The following RAPGEF5 variants were observed in gnomAD, a reference collection of about 807,000 sequenced individuals.
The protein encoded by RAPGEF5 is M-Ras-regulated GEF.
Under a neutral mutation model 125.2 loss-of-function variants are expected in RAPGEF5, and 65 were observed. The observed-to-expected ratio is 0.52, with a 90% CI of 0.43 to 0.64. RAPGEF5 has a LOEUF of 0.64. Among genes scored for constraint, RAPGEF5 ranks in the 30% least tolerant of loss-of-function variants. RAPGEF5 has a pLI of 0.00. For synonymous variants in RAPGEF5, 391 were observed against 385.9 expected (o/e 1.01, Z -0.16); for missense variants, 958 against 1,048.1 (o/e 0.91, Z 1.19).
chr7:22,264,853 T>A (rs979819714), intron 7 of RAPGEF5, among the ~76,000 whole-genome samples: 16 of 152,178 alleles, frequency 1.1e-4, no homozygotes, highest in Non-Finnish European at 2.2e-4. Context: ...AAAAATCAAA[T>A]CCTATCCTTC....
intron 9 of RAPGEF5, among the ~76,000 whole-genome samples, chr7:22,199,529 T>C (rs1250769882): frequency 6.3e-5 from 2 of 31,722 alleles, no homozygotes; most frequent in Non-Finnish European, 1.1e-4. Flanking sequence ...TACCTTAAAA[T>C]TGAAAAAAAA....
At position 22,280,743 on chromosome 7, in the gene RAPGEF5, G is replaced by A. The variant is rs190170379; in HGVS notation, c.747+10432C>T. 1.8e-3 allele frequency among the ~76,000 whole-genome samples: 279 copies of A among 152,090 alleles called. 2 individuals carry two copies. The highest frequency in any genetic ancestry group is 3.4e-3 in the Middle Eastern group (1 of 292). ...CAAAAGCCATTTATTTCTTTTTTCCGTCTTAACTTTATCCCCTTTTCCTTG... is the reference window on the plus strand; with the variant it reads ...CAAAAGCCATTTATTTCTTTTTTCCATCTTAACTTTATCCCCTTTTCCTTG... On this transcript the variant is annotated intron_variant, in intron 6 of 25. Transcript: ENST00000665637.
intron 12 of RAPGEF5, among the ~76,000 whole-genome samples, chr7:22,166,304 G>C (rs1248328842): frequency 2.6e-5 from 4 of 151,790 alleles, no homozygotes; most frequent in Non-Finnish European, 5.9e-5. Context: ...GTTTAGAGTG[G>C]AATCTTCAGT....
intron 8 of RAPGEF5, among the ~76,000 whole-genome samples, chr7:22,223,969 G>C (rs1785853060): frequency 6.6e-6 from 1 of 152,190 alleles, no homozygotes; most frequent in African/African-American, 2.4e-5. Flanking sequence ...GGTCTCTGTT[G>C]CAACTGCCCA....
rs1199269122 is a variant in RAPGEF5, at chr7:22,295,326, A to C, written c.681-4085T>G. Among the ~76,000 whole-genome samples, 3 of 152,366 alleles carry C rather than the reference A, an allele frequency of 2.0e-5. No homozygotes were observed. The East Asian group carries it at 5.8e-4, about 29-fold the overall frequency. On this transcript the variant is annotated intron_variant, in intron 5 of 25. Transcript: ENST00000665637. ...GGGAATTATGAATGGGAAAGGTTTC[A>C]TTAAGAGTCCAGAGTGTATAGTTAT...
At chr7:22,322,312 T>C (rs1003809279) in intron 1 of RAPGEF5, among the ~76,000 whole-genome samples, 3 of 151,794 alleles carry the variant, frequency 2.0e-5, no homozygotes, top group African/African-American at 7.3e-5. Flanking sequence ...CTGACTTTTG[T>C]ATTTCTTTTT....
chr7:22,356,151 T>G (rs1583601751), intron 1 of RAPGEF5: 1 of 985,368 alleles, frequency 1.0e-6, no homozygotes, highest in African/African-American at 1.7e-5. Flanking sequence ...GGTCATTAGA[T>G]GCACTTAGAA....
At chr7:22,262,674 C>G (rs745752238) in intron 7 of RAPGEF5, among the ~76,000 whole-genome samples, 21 of 152,154 alleles carry the variant, frequency 1.4e-4, no homozygotes, top group Non-Finnish European at 2.6e-4. Context: ...GAACTGGAAA[C>G]AACCCAGATG....
chr7:22,227,568 A>T (rs1299518141), intron 8 of RAPGEF5, among the ~76,000 whole-genome samples: 2 of 152,202 alleles, frequency 1.3e-5, no homozygotes, highest in African/African-American at 4.8e-5. Flanking sequence ...GGCCAAGTGT[A>T]GTGGCTAACG....
At chr7:22,148,971 C>T (rs1365841359) in intron 18 of RAPGEF5, among the ~76,000 whole-genome samples, 1 of 152,152 alleles carries the variant, frequency 6.6e-6, no homozygotes, top group East Asian at 1.9e-4. Flanking sequence ...CAGAATTACA[C>T]AGGACTGTGG....
chr7:22,330,123 G>A (rs989283681), intron 1 of RAPGEF5, among the ~76,000 whole-genome samples: 3 of 152,166 alleles, frequency 2.0e-5, no homozygotes, highest in African/African-American at 7.2e-5. Context: ...AGATAAAAAC[G>A]ATGACTCGAC....
At chr7:22,183,778 C>T (rs1389135385) in intron 11 of RAPGEF5, among the ~76,000 whole-genome samples, 1 of 152,140 alleles carries the variant, frequency 6.6e-6, no homozygotes, top group African/African-American at 2.4e-5. Context: ...TCACCTTCAG[C>T]CTCTAGGACA....
At chr7:22,255,236 A>G (rs1444592203) in intron 7 of RAPGEF5, among the ~76,000 whole-genome samples, 3 of 152,166 alleles carry the variant, frequency 2.0e-5, no homozygotes, top group African/African-American at 7.2e-5. Context: ...AACGTAAAAC[A>G]TTGGCTTCTC....
chr7:22,313,534 C>T (rs1314371350), intron 3 of RAPGEF5, among the ~76,000 whole-genome samples: 3 of 152,186 alleles, frequency 2.0e-5, no homozygotes, highest in Admixed American at 1.3e-4. Flanking sequence ...CACAGGAAAA[C>T]ACATGCTCTC....
chr7:22,336,506 T>C (rs555071990), intron 1 of RAPGEF5, among the ~76,000 whole-genome samples: 4 of 152,210 alleles, frequency 2.6e-5, no homozygotes, highest in African/African-American at 9.6e-5. Flanking sequence ...TGTTAGACAG[T>C]GGTAGAGGAA....
chr7:22,156,840 G>T lies in RAPGEF5; in HGVS notation c.1606C>A (p.His536Asn). ...QFSLKENWLQ[H>N]RGTVTETEEI... ...TCCGTTTCAGTCACAGTTCCTCTATGCTGGAGCCAGTTCTCCTTAAGACTG... is the reference window on the plus strand; with the variant it reads ...TCCGTTTCAGTCACAGTTCCTCTATTCTGGAGCCAGTTCTCCTTAAGACTG... The change falls in exon 16 of 26, where the codon CAT becomes AAT. Residue 536 changes from histidine to asparagine, a missense_variant. Coordinates refer to ENST00000665637, the MANE Select transcript of RAPGEF5 (RefSeq NM_012294.5). 1 of 1,613,926 alleles carries T rather than the reference G, an allele frequency of 6.2e-7. No homozygotes were observed. The highest frequency in any genetic ancestry group is 8.5e-7 in the Non-Finnish European group (1 of 1,179,854).
At chr7:22,197,433 T>C (rs1287471091) in intron 9 of RAPGEF5, among the ~76,000 whole-genome samples, 1 of 152,228 alleles carries the variant, frequency 6.6e-6, no homozygotes, top group Non-Finnish European at 1.5e-5. Flanking sequence ...CCCTTAGGTC[T>C]GTGAACACAT....
chr7:22,332,443 T>C (rs1483495663), intron 1 of RAPGEF5, among the ~76,000 whole-genome samples: 1 of 152,222 alleles, frequency 6.6e-6, no homozygotes, highest in Non-Finnish European at 1.5e-5. Flanking sequence ...AAAAAAGTCA[T>C]CATATAAATA....
At chr7:22,280,008 T>C (rs1013652448) in intron 6 of RAPGEF5, among the ~76,000 whole-genome samples, 6 of 152,144 alleles carry the variant, frequency 3.9e-5, no homozygotes, top group African/African-American at 7.2e-5. Context: ...GTATAGGTCA[T>C]TTTGGAAACA....
Sources: allele counts gnomAD v4.1 joint callset (sites outside exome capture counted in the v4.1 genomes callset), GRCh38; gene constraint gnomAD v4.1.1; transcripts MANE v1.5; gene names NCBI Gene and HGNC (gene_info 2026-07-23, HGNC 2026-07-21).